The following ZP4 variants were observed in gnomAD, a reference collection of about 807,000 sequenced individuals.
ZP4 encodes the protein zona pellucida sperm-binding protein 4.
A neutral mutation model predicts 62.3 loss-of-function variants in ZP4; 62 were observed. The observed-to-expected ratio is 0.99, with a 90% CI of 0.81 to 1.23. The LOEUF is 1.23. ZP4 is among the 50% of genes most tolerant of loss of function. ZP4 has a pLI of 0.00. For synonymous variants in ZP4, 289 were observed against 247.3 expected, an observed-to-expected ratio of 1.17 and a Z score of -1.58; for missense variants, 774 against 656.0, an observed-to-expected ratio of 1.18 and a Z score of -1.97.
In ZP4 at chr1:237,882,530, T is replaced by C. The variant is rs2103013225; in HGVS notation, c.1515A>G (p.Lys505=). 1 of 1,604,678 alleles carries C rather than the reference T, an allele frequency of 6.2e-7. No homozygotes were observed. The highest frequency in any genetic ancestry group is 8.5e-7 in the Non-Finnish European group (1 of 1,177,248). Residue 505 remains lysine (K), a synonymous_variant, in exon 12 of 12, where the codon AAA becomes AAG. Coordinates refer to ENST00000366570, the MANE Select transcript of ZP4 (RefSeq NM_021186.5). ...PEKLRVPVDS[K]VLWVAGLSGT... Reference sequence around the variant, plus strand: ...CAGAAAGGCCTGCCACCCACAGAACTTTCGAGTCTACAGGAACACCTGGAG... The same window carrying C: ...CAGAAAGGCCTGCCACCCACAGAACCTTCGAGTCTACAGGAACACCTGGAG...
At chr1:237,887,031 A>T (rs1207482229) in intron 5 of ZP4, among the ~76,000 whole-genome samples, 163 bp from the exon 6 acceptor site, 2 of 152,148 alleles carry the variant, frequency 1.3e-5, no homozygotes, top group Non-Finnish European at 2.9e-5. Context: ...GCAAGTTATC[A>T]CTTCGCCTTA....
rs765460740 is a variant in ZP4 at position 237,889,845 on chromosome 1, C to T, written c.400+22G>A. 17 of 1,605,698 alleles carry T rather than the reference C, an allele frequency of 1.1e-5. No homozygotes were observed. The Admixed American group carries it at 1.3e-4, about 13-fold the overall frequency. ...CCCACCCCCACCACCCCCACAAGAC[C>T]CTGAGAGCTTCCAGCCTTTACCTAG... On this transcript the variant is annotated intron_variant, in intron 3 of 11. Transcript: ENST00000366570.
chr1:237,883,057 G>A (rs1664953356), intron 10 of ZP4, among the ~76,000 whole-genome samples: 1 of 152,156 alleles, frequency 6.6e-6, no homozygotes, highest in Admixed American at 6.5e-5. Flanking sequence ...GTATAAAGAT[G>A]TTAGAAACTA....
chr1:237,889,324 T>C (rs1297163174), intron 3 of ZP4, among the ~76,000 whole-genome samples: 1 of 151,400 alleles, frequency 6.6e-6, no homozygotes, highest in African/African-American at 2.4e-5. Flanking sequence ...TATTTTTTTT[T>C]TTTTTTTTTT....
intron 5 of ZP4, 79 bp downstream of exon 5, chr1:237,887,295 A>G (rs1025029421): frequency 1.3e-6 from 2 of 1,516,154 alleles, no homozygotes; most frequent in Non-Finnish European, 1.8e-6. Flanking sequence ...CACGGCCAAC[A>G]TATTTCAGCT....
At chr1:237,885,638 G>A (rs1023174725) in intron 7 of ZP4, 58 bp from the exon 8 acceptor site, 30 of 1,596,770 alleles carry the variant, frequency 1.9e-5, no homozygotes, top group African/African-American at 8.1e-5. Context: ...TTGAGGGACT[G>A]TCACCCCTTT....
At chr1:237,888,605 A>T (rs757715701) in intron 3 of ZP4, 95 bp from the exon 4 acceptor site, 51 of 1,232,864 alleles carry the variant, frequency 4.1e-5, no homozygotes, top group Non-Finnish European at 5.6e-5. Flanking sequence ...ATTCCTGTAG[A>T]TATGTAGATG....
In ZP4 at chr1:237,888,362, G is replaced by A; in HGVS notation, c.549C>T (p.Asn183=). ...SEEVNSCYYG[N]TVTLHCTREG... ...GAGGTGTGCTCACTTACTCACCAGT[G>A]TTTCCATAGTAGCAGGAATTCACCT... Residue 183 remains asparagine (N), a synonymous_variant, in exon 4 of 12, where the codon AAC becomes AAT. Transcript: ENST00000366570. 6.3e-7 allele frequency: 1 copy of A among 1,577,416 alleles called. No individual in the cohort carries two copies. Among genetic ancestry groups the A allele is most frequent in the Non-Finnish European group, 8.7e-7 (1 of 1,153,754 alleles).
At chr1:237,884,020 AC>A (rs1176135107) in intron 10 of ZP4, among the ~76,000 whole-genome samples, 2 of 59,234 alleles carry the variant, frequency 3.4e-5, no homozygotes, top group African/African-American at 6.9e-5. Context: ...ACACACAAAC[AC>A]ACACACACAC....
chr1:237,883,744 AG>A lies in ZP4; in HGVS notation c.1391-899del, dbSNP rs1558530209. Among the ~76,000 whole-genome samples, 55 of 95,614 alleles carry A rather than the reference AG, an allele frequency of 5.8e-4. 3 individuals are homozygous for A. Among genetic ancestry groups the A allele is most frequent in the Non-Finnish European group, 1.1e-3 (51 of 45,064 alleles). 62.7% of individuals were successfully genotyped at this position (95,614 alleles called of 152,430 possible). On this transcript the variant is annotated intron_variant, in intron 10 of 11. Coordinates refer to ENST00000366570, the MANE Select transcript of ZP4 (RefSeq NM_021186.5). ...GAGGGCGGGGGAGGGAGAGAGAGGG[AG>A]AGAGAGGGAGAGAGAGGGAGAGAGA...
At chr1:237,888,667 T>C (rs147245143) in intron 3 of ZP4, among the ~76,000 whole-genome samples, 157 bp from the exon 4 acceptor site, 1 of 152,318 alleles carries the variant, frequency 6.6e-6, no homozygotes, top group African/African-American at 2.4e-5. Context: ...AGGTTACATG[T>C]TGTAGATTAA....
At chr1:237,886,964 T>C (rs1665118195) in intron 5 of ZP4, 96 bp from the exon 6 acceptor site, 1 of 1,048,008 alleles carries the variant, frequency 9.5e-7, no homozygotes, top group Non-Finnish European at 1.4e-6. Flanking sequence ...TACCCTGTTG[T>C]ATGGTATATT....
chr1:237,890,394 G>A, intron 1 of ZP4, 67 bp downstream of exon 1: 1 of 1,543,936 alleles, frequency 6.5e-7, no homozygotes, highest in South Asian at 1.2e-5. Context: ...GGAAGATAGG[G>A]AGACATCTTA....
intron 10 of ZP4, 68 bp from the exon 11 acceptor site, chr1:237,882,914 A>G: frequency 3.6e-6 from 5 of 1,376,154 alleles, no homozygotes; most frequent in Non-Finnish European, 3.1e-6. Flanking sequence ...AGAAAATGTT[A>G]TGGTGCAAGG....
chr1:237,888,730 G>GT (rs1240041464), intron 3 of ZP4, among the ~76,000 whole-genome samples: 4 of 152,148 alleles, frequency 2.6e-5, no homozygotes, highest in Admixed American at 2.0e-4. Context: ...CCTGCTATTA[G>GT]TTTTTTAAAA....
intron 7 of ZP4, 69 bp from the exon 8 acceptor site, chr1:237,885,649 A>C: frequency 1.3e-6 from 2 of 1,594,706 alleles, no homozygotes; most frequent in Non-Finnish European, 1.7e-6. Flanking sequence ...TCACCCCTTT[A>C]AATAGCCCCA....
At position 237,890,518 on chromosome 1, in the gene ZP4, G is replaced by A. The variant is rs1249215144; in HGVS notation, c.118C>T (p.Gln40Ter). ...SVLHCGPWSFQFAVNLNQEAT... is the reference protein window; with the variant it reads ...SVLHCGPWSF Reference sequence around the variant, plus strand: ...TCCTGGTTGAGGTTTACAGCAAACTGGAAGCTCCACGGCCCACAGTGGAGC... The same window carrying A: ...TCCTGGTTGAGGTTTACAGCAAACTAGAAGCTCCACGGCCCACAGTGGAGC... The change falls in exon 1 of 12, where the codon CAG becomes TAG. Residue 40 changes from glutamine (Q) to a stop codon, truncating the protein, a stop_gained. Transcript: ENST00000366570. LOFTEE classifies it high-confidence loss of function. The A allele has an allele frequency of 6.2e-7, 1 of 1,614,100 alleles. No homozygotes were observed. Among genetic ancestry groups the A allele is most frequent in the Admixed American group, 1.7e-5 (1 of 60,020 alleles).
rs1215577126 is a variant in ZP4, at chr1:237,887,439, C to T, written c.676G>A (p.Val226Met). 1 of 1,614,046 alleles carries T rather than the reference C, an allele frequency of 6.2e-7. No homozygotes were observed. Among genetic ancestry groups the T allele is most frequent in the African/African-American group, 1.3e-5 (1 of 74,890 alleles). Residue 226 changes from valine to methionine, a missense_variant, in exon 5 of 12, where the codon GTG becomes ATG. Coordinates refer to ENST00000366570, the MANE Select transcript of ZP4 (RefSeq NM_021186.5). ...AGAACAAAAGCTTGTGTTGCCATCA[C>T]AGGGTTACACGCACTGTCATTCCTA... ...ALRNDSACNP[V>M]MATQAFVLFQ... is the part of the protein sequence containing the mutation.
chr1:237,883,743 G>GAGGGAGAGAGAGGA (rs1664988395), intron 10 of ZP4, among the ~76,000 whole-genome samples: 2 of 56,528 alleles, frequency 3.5e-5, no homozygotes, highest in African/African-American at 8.4e-5. Context: ...GAGAGAGAGG[G>GAGGGAGAGAGAGGA]AGAGAGAGGG....
Sources: gnomAD v4.1 joint callset for allele counts (sites outside exome capture counted in the v4.1 genomes callset) on GRCh38, gnomAD v4.1.1 for gene constraint, MANE v1.5 for transcripts, NCBI Gene and HGNC (gene_info 2026-07-23, HGNC 2026-07-21) for gene names.